Variants in CRACD observed in about 807,000 individuals in gnomAD.
CRACD encodes capping protein inhibiting regulator of actin dynamics.
In CRACD, 56 loss-of-function variants were observed where a neutral mutation model predicts 106.8. The observed-to-expected ratio is 0.52, with a 90% CI of 0.42 to 0.66. The LOEUF (loss-of-function observed/expected upper bound fraction) is 0.66. Among genes scored for constraint, CRACD ranks in the 30% least tolerant of loss-of-function variants. CRACD has a pLI of 0.00. For missense variants in CRACD, 1,730 were observed against 1,623.2 expected (o/e 1.07, Z -1.13); for synonymous variants, 754 against 670.8 (o/e 1.12, Z -1.92).
intron 3 of CRACD, among the ~76,000 whole-genome samples, chr4:56,284,227 G>A (rs1743198184): frequency 7.1e-6 from 1 of 140,914 alleles, no homozygotes; most frequent in Middle Eastern, 4.0e-3. Context: ...GCTGAGGTGG[G>A]AGGATTCCTT....
rs368716559 is a variant in CRACD at position 56,285,088 on chromosome 4, C to T, written c.-17+12596C>T. On this transcript the variant is annotated intron_variant, in intron 3 of 10. Coordinates refer to ENST00000682029, the MANE Select transcript of CRACD (RefSeq NM_001393381.1). ...TGGTGGAAGGTGAAAGGGAAGCAAG[C>T]ATGTCTTACCATGGTGGAGCAGGAG... Among the ~76,000 whole-genome samples, 21 of 152,292 alleles carry T rather than the reference C, an allele frequency of 1.4e-4. 2 individuals carry two copies. Among genetic ancestry groups the T allele is most frequent in the Admixed American group, 9.2e-4 (14 of 15,294 alleles).
chr4:56,171,661 G>T (rs1161284878), intron 1 of CRACD, among the ~76,000 whole-genome samples: 1 of 152,172 alleles, frequency 6.6e-6, no homozygotes. Flanking sequence ...ACAAAAGGAG[G>T]ATGATAAATA....
chr4:56,219,450 C>T lies in CRACD; in HGVS notation c.-189+40020C>T, dbSNP rs61472353. ...GCAACCTCTGCCTCCTGGATTGAAG[C>T]GATTCTTGTGCCTCAGCCTCCCGAG... is the stretch of plus-strand genomic sequence containing the variant. On this transcript the variant is annotated intron_variant, in intron 2 of 10. Transcript: ENST00000682029. Among the ~76,000 whole-genome samples the T allele has an allele frequency of 1.3e-3, 193 of 152,254 alleles. 3 individuals are homozygous for T. In the East Asian group the frequency reaches 0.019, roughly 15 times the overall value.
rs996866360 is a variant in CRACD, at chr4:56,295,904, G to A, written c.-16-2310G>A. 3.9e-5 allele frequency among the ~76,000 whole-genome samples: 6 copies of A among 151,998 alleles called. No individual in the cohort carries two copies. The South Asian group carries it at 1.2e-3, about 32-fold the overall frequency. The stretch of plus-strand genomic sequence containing the variant: ...GCTCAGTTTGTGACATAGGTCCCAG[G>A]TTCTTTGAGGACAGGGAGATCATAA... On this transcript the variant is annotated intron_variant, in intron 3 of 10. Transcript: ENST00000682029.
At chr4:56,239,809 T>C (rs907732786) in intron 2 of CRACD, among the ~76,000 whole-genome samples, 2 of 152,154 alleles carry the variant, frequency 1.3e-5, no homozygotes, top group East Asian at 3.9e-4. Flanking sequence ...CAGACTCTTA[T>C]GTGTTAACAC....
chr4:56,282,578 T>G (rs1009321561), intron 3 of CRACD, among the ~76,000 whole-genome samples: 1 of 152,194 alleles, frequency 6.6e-6, no homozygotes, highest in Non-Finnish European at 1.5e-5. Flanking sequence ...TGGAAGACTT[T>G]CCAAGTTCCA....
chr4:56,090,714 A>G (rs1026985778), intron 1 of CRACD, among the ~76,000 whole-genome samples: 2 of 152,152 alleles, frequency 1.3e-5, no homozygotes, highest in African/African-American at 4.8e-5. Flanking sequence ...GATTTTTGAA[A>G]TGGCTCAGAG....
chr4:56,089,782 C>T (rs797005958), intron 1 of CRACD, among the ~76,000 whole-genome samples: 3 of 151,812 alleles, frequency 2.0e-5, no homozygotes, highest in Admixed American at 6.6e-5. Context: ...CAAAGTGCTG[C>T]GATTACAGGC....
chr4:56,083,121 T>C (rs1398768598), intron 1 of CRACD, among the ~76,000 whole-genome samples: 1 of 152,182 alleles, frequency 6.6e-6, no homozygotes, highest in Non-Finnish European at 1.5e-5. Flanking sequence ...AGATCAAAAC[T>C]TTTTTCTTTA....
chr4:56,148,393 G>A (rs897090653), intron 1 of CRACD, among the ~76,000 whole-genome samples: 7 of 151,956 alleles, frequency 4.6e-5, no homozygotes, highest in African/African-American at 1.5e-4. Context: ...GGGGCTCAAG[G>A]GATCCTCCCA....
intron 1 of CRACD, among the ~76,000 whole-genome samples, chr4:56,059,322 A>G (rs994340475): frequency 6.6e-6 from 1 of 151,912 alleles, no homozygotes; most frequent in Non-Finnish European, 1.5e-5. Flanking sequence ...CTTCCCTCCC[A>G]CAAATTAGCT....
chr4:56,120,946 G>A (rs906382001), intron 1 of CRACD, among the ~76,000 whole-genome samples: 1 of 152,178 alleles, frequency 6.6e-6, no homozygotes, highest in African/African-American at 2.4e-5. Flanking sequence ...ATAGAACACA[G>A]CATCAGTCAG....
At chr4:56,151,819 T>C (rs543254121) in intron 1 of CRACD, among the ~76,000 whole-genome samples, 28 of 152,244 alleles carry the variant, frequency 1.8e-4, no homozygotes, top group Non-Finnish European at 4.1e-4. Flanking sequence ...CAGTTTATGA[T>C]TGGCTGTTGT....
intron 2 of CRACD, among the ~76,000 whole-genome samples, chr4:56,230,110 T>C (rs1044816682): frequency 6.6e-6 from 1 of 152,208 alleles, no homozygotes; most frequent in Non-Finnish European, 1.5e-5. Flanking sequence ...GTTCACCACA[T>C]TAATTGCCCT....
At chr4:56,050,474 A>C (rs1254140384) in intron 1 of CRACD, among the ~76,000 whole-genome samples, 2 of 152,166 alleles carry the variant, frequency 1.3e-5, no homozygotes, top group African/African-American at 2.4e-5. Context: ...ACCTATAGTA[A>C]TTGTGGAATT....
intron 5 of CRACD, 144 bp from the exon 6 acceptor site, chr4:56,310,522 C>A (rs958122438): frequency 1.6e-6 from 1 of 636,502 alleles, no homozygotes. Flanking sequence ...ATAGTCTCCA[C>A]TGGGACACCT....
chr4:56,316,741 GGCATCA>G, intron 8 of CRACD, 52 bp downstream of exon 8: 1 of 1,481,700 alleles, frequency 6.7e-7, no homozygotes, highest in South Asian at 1.4e-5. Context: ...TCAGAGCCAG[GGCATCA>G]AGAAGAGATC....
intron 1 of CRACD, among the ~76,000 whole-genome samples, chr4:56,124,055 A>G (rs903946426): frequency 3.3e-5 from 5 of 152,054 alleles, no homozygotes; most frequent in African/African-American, 1.2e-4. Flanking sequence ...GTCCCGCCTC[A>G]GCCTCCCAAG....
Position 56,266,865 on chromosome 4 carries a change from A to G in CRACD, c.-188-5456A>G, listed in dbSNP as rs1742051648. ...AATGGTCATGCAACATAGGATTGTA[A>G]AGCTTTGAGAACTTGCTTTTTTGAC... On this transcript the variant is annotated intron_variant, in intron 2 of 10. Transcript: ENST00000682029. 1.3e-5 allele frequency among the ~76,000 whole-genome samples: 2 copies of G among 152,222 alleles called. 1 individual carries two copies. The highest frequency in any genetic ancestry group is 4.8e-5 in the African/African-American group (2 of 41,466).
Sources: allele counts gnomAD v4.1 joint callset (sites outside exome capture counted in the v4.1 genomes callset), GRCh38; gene constraint gnomAD v4.1.1; transcripts MANE v1.5; gene names NCBI Gene and HGNC (gene_info 2026-07-23, HGNC 2026-07-21).